ZAR1: variants seen among roughly 807,000 people sequenced by gnomAD.
ZAR1 encodes the protein zygote arrest protein 1.
In ZAR1, 37 loss-of-function variants were observed where a neutral mutation model predicts 38.3. That is an observed-to-expected ratio of 0.97 (90% CI 0.74 to 1.27). The LOEUF (loss-of-function observed/expected upper bound fraction) is 1.27, where lower values mean the gene tolerates loss of function less well. Among genes scored for constraint, ZAR1 ranks in the 50% most tolerant of loss-of-function variants. The pLI is 0.00. For missense variants in ZAR1, 651 were observed against 632.4 expected, an observed-to-expected ratio of 1.03 and a Z score of -0.32; for synonymous variants, 336 against 292.0, an observed-to-expected ratio of 1.15 and a Z score of -1.53.
In ZAR1 at chr4:48,491,069, C is replaced by T; in HGVS notation, c.778C>T (p.Pro260Ser). ...GAGCTGGGAGCAGCCGGCCGACGGT[C>T]CCGAGCTGCCGCCGCGAGAGGCCCA... ...RASWEQPADG[P>S]ELPPREAQEG... Residue 260 changes from proline (P) to serine (S), a missense_variant, in exon 1 of 4, where the codon CCC becomes TCC. Physicochemically the swap from Pro to Ser is moderately conservative, Grantham distance 74. This residue lies in a region of ZAR1 where 522 missense variants were observed against 459.9 expected (regional missense o/e 1.14). Coordinates refer to ENST00000327939, the MANE Select transcript of ZAR1 (RefSeq NM_175619.3). 1 of 1,311,796 alleles carries T rather than the reference C, an allele frequency of 7.6e-7. No homozygotes were observed. Among genetic ancestry groups the T allele is most frequent in the Non-Finnish European group, 9.7e-7 (1 of 1,034,816 alleles). The allele number at this position is 1,311,796 out of a possible 1,614,324, so 81.3% of individuals were successfully genotyped here. A position where few individuals can be genotyped will look rare whatever the true frequency, so the allele number is the denominator to read the frequency against.
intron 3 of ZAR1, 86 bp downstream of exon 3, chr4:48,493,098 C>T: frequency 8.0e-7 from 1 of 1,255,990 alleles, no homozygotes; most frequent in Non-Finnish European, 1.1e-6. Context: ...AAAAAGAGGC[C>T]AGGCCCCCAG....
In ZAR1 at chr4:48,491,201, G is replaced by C; in HGVS notation, c.910G>C (p.Glu304Gln). The change falls in exon 1 of 4, where the codon GAG (glutamate) becomes CAG (glutamine). Residue 304 changes from glutamate (E) to glutamine (Q), a missense_variant. By Grantham distance (29) the Glu-to-Gln change is conservative. This residue lies in a region of ZAR1 where 129 missense variants were observed against 172.5 expected (regional missense o/e 0.75). Coordinates refer to ENST00000327939, the MANE Select transcript of ZAR1 (RefSeq NM_175619.3). Reference sequence around the variant, plus strand: ...CGGACGGGAGGCGGCCGTCGCGGGAGAGGGGCCGTCGCCACGGAGCCCGGA... The same window carrying C: ...CGGACGGGAGGCGGCCGTCGCGGGACAGGGGCCGTCGCCACGGAGCCCGGA... ...GDGREAAVAG[E>Q]GPSPRSPELG... is the part of the protein sequence containing the mutation. 1 of 1,234,700 alleles carries C rather than the reference G, an allele frequency of 8.1e-7. No individual in the cohort carries two copies. The highest frequency in any genetic ancestry group is 3.2e-5 in the East Asian group (1 of 31,456). 76.5% of individuals were successfully genotyped at this position (1,234,700 alleles called of 1,614,324 possible). A position where few individuals can be genotyped will look rare whatever the true frequency, so the allele number is the denominator to read the frequency against.
At chr4:48,495,742 G>A (rs181415537), downstream of ZAR1, among the ~76,000 whole-genome samples, 3 of 152,174 alleles carry the variant, frequency 2.0e-5, no homozygotes, top group African/African-American at 4.8e-5. Flanking sequence ...TTAAAAGAAC[G>A]ATACCTCAGC....
In ZAR1 at chr4:48,494,272, C is replaced by T. The variant is rs367890355; in HGVS notation, c.*28C>T. The T allele has an allele frequency of 8.1e-6, 13 of 1,612,076 alleles. No homozygotes were observed. The African/African-American group carries it at 1.6e-4, about 20-fold the overall frequency. ...GAAAGTCAGTGTTGCTGTGCATGCG[C>T]TGATGGAGTAGACGAGTGAGCTTTT... On this transcript the variant is annotated 3_prime_UTR_variant, in exon 4 of 4. Coordinates refer to ENST00000327939, the MANE Select transcript of ZAR1 (RefSeq NM_175619.3).
At chr4:48,494,989 A>G (rs71614040), downstream of ZAR1, among the ~76,000 whole-genome samples, 2,006 of 152,200 alleles carry the variant, frequency 0.013, 17 homozygotes, top group Non-Finnish European at 0.02. Context: ...TGAATAACCT[A>G]TCAAGTAGAC....
At chr4:48,494,620 CTG>C, downstream of ZAR1, among the ~76,000 whole-genome samples, 1 of 152,002 alleles carries the variant, frequency 6.6e-6, no homozygotes, top group Non-Finnish European at 1.5e-5. Context: ...AGGAAGTTAA[CTG>C]AATAAAAAGC....
At chr4:48,494,719 T>G (rs1278692313), downstream of ZAR1, among the ~76,000 whole-genome samples, 1 of 151,956 alleles carries the variant, frequency 6.6e-6, no homozygotes, top group African/African-American at 2.4e-5. Context: ...GCTGTAACAT[T>G]AAGGCATTCT....
chr4:48,490,451 T>C lies in ZAR1; in HGVS notation c.160T>C (p.Cys54Arg). ...GRGCLPASSP[C>R]SAGAASLSFP... ...GGGCTGCCTTCCCGCCTCCTCCCCC[T>C]GCTCGGCGGGCGCGGCCTCGTTGTC... is the stretch of plus-strand genomic sequence containing the variant. The change falls in exon 1 of 4, where the codon TGC (cysteine) becomes CGC (arginine). Residue 54 changes from cysteine to arginine, a missense_variant. Coordinates refer to ENST00000327939, the MANE Select transcript of ZAR1 (RefSeq NM_175619.3). 1.4e-6 allele frequency: 2 copies of C among 1,464,578 alleles called. No individual in the cohort carries two copies. The highest frequency in any genetic ancestry group is 1.3e-5 in the South Asian group (1 of 75,064). The allele number at this position is 1,464,578 out of a possible 1,614,324, so 90.7% of individuals were successfully genotyped here.
In ZAR1 at chr4:48,494,210, G is replaced by C; in HGVS notation, c.1241G>C (p.Cys414Ser). The change falls in exon 4 of 4, where the codon TGT becomes TCT. Residue 414 changes from cysteine (C) to serine (S), a missense_variant. Physicochemically the swap from Cys to Ser is moderately radical, Grantham distance 112 (BLOSUM62 -1). This residue lies in a region of ZAR1 where 129 missense variants were observed against 172.5 expected (regional missense o/e 0.75). Coordinates refer to ENST00000327939, the MANE Select transcript of ZAR1 (RefSeq NM_175619.3). ...CGRCKGKRLS[C>S]DSTFSFKYII is the part of the protein sequence containing the mutation. ...AGATGCAAAGGCAAACGCCTGTCCT[G>C]TGACAGCACTTTCAGCTTCAAATAC... 1 of 1,614,214 alleles carries C rather than the reference G, an allele frequency of 6.2e-7. No individual in the cohort carries two copies. The highest frequency in any genetic ancestry group is 8.5e-7 in the Non-Finnish European group (1 of 1,180,042).
rs1197676787 is a variant in ZAR1, at chr4:48,491,111, C to G, written c.820C>G (p.Pro274Ala). The change falls in exon 1 of 4, where the codon CCG becomes GCG. Residue 274 changes from proline (P) to alanine (A), a missense_variant. This residue lies in a region of ZAR1 where 522 missense variants were observed against 459.9 expected (regional missense o/e 1.14). Transcript: ENST00000327939. ...PREAQEGEAA[P>A]RSALRSPGQP... ...AGAGGCCCAGGAGGGCGAGGCGGCT[C>G]CGCGGTCGGCGCTAAGGAGCCCGGG... The G allele has an allele frequency of 7.9e-7, 1 of 1,269,242 alleles. No individual in the cohort carries two copies. Among genetic ancestry groups the G allele is most frequent in the East Asian group, 3.2e-5 (1 of 31,732 alleles). 78.6% of individuals were successfully genotyped at this position (1,269,242 alleles called of 1,614,324 possible). A position where few individuals can be genotyped will look rare whatever the true frequency, so the allele number is the denominator to read the frequency against.
rs1457981690 is a variant in ZAR1 at position 48,490,983 on chromosome 4, A to C, written c.692A>C (p.Lys231Thr). ...CCAGAGGAGGGGGAGGTGTGGACGA[A>C]GAAGGCGCCCCGGCGGCCGCAGTCC... ...QGPEEGEVWT[K>T]KAPRRPQSDD... Residue 231 changes from lysine (K) to threonine (T), a missense_variant, in exon 1 of 4, where the codon AAG (lysine) becomes ACG (threonine). Physicochemically the swap from Lys to Thr is moderately conservative, Grantham distance 78. This residue lies in a region of ZAR1 where 522 missense variants were observed against 459.9 expected (regional missense o/e 1.14). Coordinates refer to ENST00000327939, the MANE Select transcript of ZAR1 (RefSeq NM_175619.3). 1 of 1,356,126 alleles carries C rather than the reference A, an allele frequency of 7.4e-7. No individual in the cohort carries two copies. The highest frequency in any genetic ancestry group is 3.8e-5 in the Admixed American group (1 of 26,102). The allele number at this position is 1,356,126 out of a possible 1,614,324, so 84.0% of individuals were successfully genotyped here.
chr4:48,490,960 A>C lies in ZAR1; in HGVS notation c.669A>C (p.Pro223=). 2 of 1,352,058 alleles carry C rather than the reference A, an allele frequency of 1.5e-6. No individual in the cohort carries two copies. Among genetic ancestry groups the C allele is most frequent in the Non-Finnish European group, 9.4e-7 (1 of 1,058,670 alleles). The allele number at this position is 1,352,058 out of a possible 1,614,324, so 83.8% of individuals were successfully genotyped here. The change falls in exon 1 of 4, where the codon CCA becomes CCC. Residue 223 remains proline, a synonymous_variant. Coordinates refer to ENST00000327939, the MANE Select transcript of ZAR1 (RefSeq NM_175619.3). ...RGPPPARLQG[P]EEGEVWTKKA... is the part of the protein sequence containing the mutation. ...CGCCGCCCGCGCGGCTTCAAGGCCC[A>C]GAGGAGGGGGAGGTGTGGACGAAGA... is the stretch of plus-strand genomic sequence containing the variant.
At chr4:48,496,567 G>A (rs1354520228), downstream of ZAR1, among the ~76,000 whole-genome samples, 1 of 152,112 alleles carries the variant, frequency 6.6e-6, no homozygotes, top group East Asian at 1.9e-4. Flanking sequence ...TTTACCTAGG[G>A]TGGGTGGGCA....
Position 48,493,123 on chromosome 4 carries a change from C to T in ZAR1, c.1131+111C>T. The T allele has an allele frequency of 4.1e-6, 4 of 964,010 alleles. No homozygotes were observed. The East Asian group carries it at 7.5e-5, about 18-fold the overall frequency. The allele number at this position is 964,010 out of a possible 1,614,324, so 59.7% of individuals were successfully genotyped here. A position where few individuals can be genotyped will look rare whatever the true frequency, so the allele number is the denominator to read the frequency against. On this transcript the variant is annotated intron_variant, in intron 3 of 3. Transcript: ENST00000327939. ...CAGGCCCCCAGACCTTAGGTTTCAA[C>T]TGGCTTTTGTTAGGAGTGGTAGAAA...
chr4:48,490,969 G>A lies in ZAR1; in HGVS notation c.678G>A (p.Gly226=). ...CGCGGCTTCAAGGCCCAGAGGAGGG[G>A]GAGGTGTGGACGAAGAAGGCGCCCC... The part of the protein sequence containing the change: ...PPARLQGPEE[G]EVWTKKAPRR... The change falls in exon 1 of 4, where the codon GGG becomes GGA. Residue 226 remains glycine (G), a synonymous_variant. Transcript: ENST00000327939. 2 of 1,354,768 alleles carry A rather than the reference G, an allele frequency of 1.5e-6. No homozygotes were observed. Among genetic ancestry groups the A allele is most frequent in the Non-Finnish European group, 1.9e-6 (2 of 1,059,822 alleles). The allele number at this position is 1,354,768 out of a possible 1,614,324, so 83.9% of individuals were successfully genotyped here.
Position 48,493,019 on chromosome 4 carries a change from C to T in ZAR1, c.1131+7C>T. On this transcript the variant is annotated splice_region_variant and intron_variant, in intron 3 of 3. Transcript: ENST00000327939. Reference sequence around the variant, plus strand: ...GGAGGATATCACCTGTCAAGTAAATCAGATGTTTTGCATTTTGTCTGACCT... The same window carrying T: ...GGAGGATATCACCTGTCAAGTAAATTAGATGTTTTGCATTTTGTCTGACCT... The T allele has an allele frequency of 6.2e-7, 1 of 1,613,924 alleles. No homozygotes were observed. Among genetic ancestry groups the T allele is most frequent in the Non-Finnish European group, 8.5e-7 (1 of 1,179,840 alleles).
chr4:48,494,495 G>A (rs187985365), downstream of ZAR1: 1,342 of 457,734 alleles, frequency 2.9e-3, 15 homozygotes, highest in South Asian at 9.4e-3. Flanking sequence ...GCTTGCTGAT[G>A]GCATAGAGTG....
rs1718410157 is a variant in ZAR1, at chr4:48,490,812, G to A, written c.521G>A (p.Arg174His). Residue 174 changes from arginine to histidine, a missense_variant, in exon 1 of 4, where the codon CGC becomes CAC. Coordinates refer to ENST00000327939, the MANE Select transcript of ZAR1 (RefSeq NM_175619.3). ...SPQNGAPRPM[R>H]FPRTVAVYSP... The stretch of plus-strand genomic sequence containing the variant: ...CAGAACGGCGCCCCGCGGCCCATGC[G>A]CTTCCCGCGCACCGTCGCCGTGTAC... 1.3e-6 allele frequency: 2 copies of A among 1,507,912 alleles called. No homozygotes were observed. The highest frequency in any genetic ancestry group is 1.2e-5 in the South Asian group (1 of 80,854). The allele number at this position is 1,507,912 out of a possible 1,614,324, so 93.4% of individuals were successfully genotyped here.
In ZAR1 at chr4:48,494,349, G is replaced by A. The variant is rs139138618; in HGVS notation, c.*105G>A. ...CTCAAAATACTTCATGAAAGGCAGT[G>A]TATTCTGAAAAAGCCTTCAAATAAA... On this transcript the variant is annotated 3_prime_UTR_variant, in exon 4 of 4. Transcript: ENST00000327939. 8.0e-5 allele frequency: 115 copies of A among 1,444,002 alleles called. No individual in the cohort carries two copies. In the African/African-American group the frequency reaches 1.5e-3, roughly 19 times the overall value. The allele number at this position is 1,444,002 out of a possible 1,614,324, so 89.4% of individuals were successfully genotyped here. A position where few individuals can be genotyped will look rare whatever the true frequency, so the allele number is the denominator to read the frequency against.
Sources: allele counts gnomAD v4.1 joint callset (sites outside exome capture counted in the v4.1 genomes callset), GRCh38; gene constraint gnomAD v4.1.1; regional missense constraint gnomAD v4.1.1; transcripts MANE v1.5; gene names NCBI Gene and HGNC (gene_info 2026-07-23, HGNC 2026-07-21).